The following VPS53 variants were observed in gnomAD, a reference collection of about 807,000 sequenced individuals.
The protein encoded by VPS53 is VPS53 subunit of GARP complex.
In VPS53, 70 loss-of-function variants were observed where a neutral mutation model predicts 107.0. The ratio of observed to expected loss-of-function variants is 0.65; its 90% CI spans 0.54 to 0.80. The LOEUF is 0.80. Ranked by LOEUF, VPS53 falls within the 30% of genes least tolerant of loss-of-function variation. The pLI is 0.00. For missense variants in VPS53, 917 were observed against 1,049.4 expected (o/e 0.87, Z 1.74); for synonymous variants, 409 against 393.3 (o/e 1.04, Z -0.47).
chr17:711,259 G>A (rs1293935100), intron 1 of VPS53, among the ~76,000 whole-genome samples: 4 of 152,178 alleles, frequency 2.6e-5, no homozygotes, highest in African/African-American at 9.7e-5. Flanking sequence ...ACAACCTGAA[G>A]AACACGCAAC....
chr17:578,462 C>T (rs1435147384), intron 13 of VPS53, among the ~76,000 whole-genome samples: 1 of 146,620 alleles, frequency 6.8e-6, no homozygotes, highest in Non-Finnish European at 1.5e-5. Flanking sequence ...AACCTAATTC[C>T]TTCCCAGAGA....
In VPS53 at chr17:628,688, C is replaced by T. The variant is rs112157981; in HGVS notation, c.688-457G>A. 9.9e-3 allele frequency among the ~76,000 whole-genome samples: 1,513 copies of T among 152,288 alleles called. 26 individuals carry two copies. Among genetic ancestry groups the T allele is most frequent in the African/African-American group, 0.034 (1,416 of 41,566 alleles). ...TTCCCTGACTCCAACCTCTGGGATT[C>T]CTGTTCTTAAAGTGCTATGTTTTTG... On this transcript the variant is annotated intron_variant, in intron 8 of 21. Coordinates refer to ENST00000437048, the MANE Select transcript of VPS53 (RefSeq NM_001128159.3).
At chr17:528,375 T>C (rs1361405995) in intron 19 of VPS53, among the ~76,000 whole-genome samples, 11 of 152,240 alleles carry the variant, frequency 7.2e-5, no homozygotes. Context: ...GTCTGGCTTC[T>C]TTCACTTAAC....
intron 13 of VPS53, among the ~76,000 whole-genome samples, chr17:574,898 T>TA (rs1220283136): frequency 6.6e-6 from 1 of 152,236 alleles, no homozygotes; most frequent in African/African-American, 2.4e-5. Context: ...CCTGTGACTC[T>TA]AATAGGCAAA....
At chr17:662,806 A>AG (rs1169045550) in intron 4 of VPS53, among the ~76,000 whole-genome samples, 183 of 146,556 alleles carry the variant, frequency 1.2e-3, no homozygotes, top group Non-Finnish European at 1.4e-3. Flanking sequence ...AGAAAGAAAG[A>AG]AAAAAAGAAA....
intron 11 of VPS53, among the ~76,000 whole-genome samples, chr17:610,268 C>A (rs994997234): frequency 3.3e-5 from 5 of 152,064 alleles, no homozygotes; most frequent in African/African-American, 1.2e-4. Context: ...TTAGGGGAAT[C>A]ACTGAGTATC....
chr17:509,199 C>A lies in VPS53; in HGVS notation c.*9929G>T, dbSNP rs184679864. 6.6e-6 allele frequency: 1 copy of A among 152,180 alleles called. No individual in the cohort carries two copies. The highest frequency in any genetic ancestry group is 1.5e-5 in the Non-Finnish European group (1 of 68,664). The allele number at this position is 152,180 out of a possible 1,614,324, so 9.4% of individuals were successfully genotyped here. On this transcript the variant is annotated 3_prime_UTR_variant, in exon 22 of 22. Transcript: ENST00000437048. ...AGTCACATATCAAATCCTGCCTCACCCCCTTACTAGTCACATATCAAATCC... is the reference window on the plus strand; with the variant it reads ...AGTCACATATCAAATCCTGCCTCACACCCTTACTAGTCACATATCAAATCC...
Position 537,032 on chromosome 17 carries a change from C to A in VPS53, c.2011G>T (p.Ala671Ser). 2 of 1,614,110 alleles carry A rather than the reference C, an allele frequency of 1.2e-6. No homozygotes were observed. Among genetic ancestry groups the A allele is most frequent in the East Asian group, 4.5e-5 (2 of 44,876 alleles). ...TGAGCACGCCCCAGGACTTACTTTG[C>A]AAATTTAACGCAGAACTGAGTGAAG... ...KYFTQFCVKF[A>S]NSFIPKFITH... Residue 671 changes from alanine to serine, a missense_variant, in exon 18 of 22, where the codon GCA (alanine) becomes TCA (serine). By Grantham distance (99) the Ala-to-Ser change is moderately conservative (BLOSUM62 1). Coordinates refer to ENST00000437048, the MANE Select transcript of VPS53 (RefSeq NM_001128159.3).
chr17:603,353 T>C (rs1301373502), intron 11 of VPS53, among the ~76,000 whole-genome samples: 2 of 152,172 alleles, frequency 1.3e-5, no homozygotes, highest in African/African-American at 4.8e-5. Flanking sequence ...ATCCAGGAAG[T>C]GGAGGTTGCA....
intron 4 of VPS53, among the ~76,000 whole-genome samples, chr17:676,826 A>G (rs1283497169): frequency 6.6e-6 from 1 of 151,772 alleles, no homozygotes; most frequent in Non-Finnish European, 1.5e-5. Context: ...TTAACTAAAT[A>G]AAAGAAAAAA....
chr17:579,305 C>A (rs1180640201), intron 13 of VPS53, among the ~76,000 whole-genome samples: 3 of 150,992 alleles, frequency 2.0e-5, no homozygotes, highest in African/African-American at 7.3e-5. Flanking sequence ...AATGCGTTCC[C>A]AGAGATCCTC....
At chr17:549,405 C>T (rs1486212302) in intron 17 of VPS53, among the ~76,000 whole-genome samples, 1 of 152,090 alleles carries the variant, frequency 6.6e-6, no homozygotes, top group African/African-American at 2.4e-5. Flanking sequence ...CTGTGGTTTT[C>T]CTATGATATA....
intron 12 of VPS53, among the ~76,000 whole-genome samples, chr17:588,245 G>A (rs1229892603): frequency 6.6e-6 from 1 of 152,170 alleles, no homozygotes; most frequent in East Asian, 1.9e-4. Flanking sequence ...TTGAACCCAG[G>A]AGGTGGAGAT....
chr17:629,022 C>T (rs1415647563), intron 8 of VPS53, among the ~76,000 whole-genome samples: 1 of 152,230 alleles, frequency 6.6e-6, no homozygotes, highest in East Asian at 1.9e-4. Context: ...CCTGGCTTGG[C>T]TAAAAAGCCA....
chr17:548,710 C>T (rs576635981), intron 17 of VPS53, among the ~76,000 whole-genome samples: 18 of 152,350 alleles, frequency 1.2e-4, no homozygotes, highest in South Asian at 2.1e-4. Context: ...AGGACAGTCT[C>T]GTTTCCAATC....
intron 15 of VPS53, among the ~76,000 whole-genome samples, chr17:554,282 C>T (rs1051786193): frequency 6.6e-6 from 1 of 152,224 alleles, no homozygotes; most frequent in Non-Finnish European, 1.5e-5. Context: ...AAACACTCAA[C>T]ACGCTCCTGG....
chr17:684,681 T>A (rs140340357), intron 4 of VPS53, among the ~76,000 whole-genome samples: 2,368 of 152,288 alleles, frequency 0.016, 24 homozygotes, highest in Middle Eastern at 0.031. Flanking sequence ...ATTTCCTTTT[T>A]TTCTTTTCTT....
intron 13 of VPS53, among the ~76,000 whole-genome samples, chr17:573,410 T>G (rs1914340528): frequency 6.6e-6 from 1 of 152,166 alleles, no homozygotes; most frequent in South Asian, 2.1e-4. Flanking sequence ...GGCTCTGCAG[T>G]CCTCCTACTG....
intron 11 of VPS53, among the ~76,000 whole-genome samples, chr17:604,090 C>A (rs1324458760): frequency 6.6e-6 from 1 of 152,116 alleles, no homozygotes; most frequent in African/African-American, 2.4e-5. Context: ...ACTAAATGCC[C>A]CTCATCTATT....
Sources: gnomAD v4.1 joint callset for allele counts (sites outside exome capture counted in the v4.1 genomes callset) on GRCh38, gnomAD v4.1.1 for gene constraint, MANE v1.5 for transcripts, NCBI Gene and HGNC (gene_info 2026-07-23, HGNC 2026-07-21) for gene names.